Variants in TRIM44 observed in about 807,000 individuals in gnomAD.
The protein encoded by TRIM44 is tripartite motif containing 44, also known as tripartite motif-containing protein 44.
In TRIM44, 13 loss-of-function variants were observed where a neutral mutation model predicts 37.4. The ratio of observed to expected loss-of-function variants is 0.35; its 90% CI spans 0.23 to 0.55. The LOEUF is 0.55. Among genes scored for constraint, TRIM44 ranks in the 20% least tolerant of loss-of-function variants. The pLI, the probability that TRIM44 is intolerant of heterozygous loss-of-function variation, is 0.89. For synonymous variants in TRIM44, 175 were observed against 157.2 expected, an observed-to-expected ratio of 1.11 and a Z score of -0.85; for missense variants, 426 against 437.2, an observed-to-expected ratio of 0.97 and a Z score of 0.23.
intron 4 of TRIM44, among the ~76,000 whole-genome samples, chr11:35,778,268 T>C (rs1318477067): frequency 6.6e-6 from 1 of 152,218 alleles, no homozygotes; most frequent in Non-Finnish European, 1.5e-5. Context: ...ACCTGGTGCA[T>C]TTGTCACGTA....
rs748508117 is a variant in TRIM44, at chr11:35,702,325, G to A, written c.747+16989G>A. Among the ~76,000 whole-genome samples the A allele has an allele frequency of 8.5e-5, 13 of 152,176 alleles. 1 individual carries two copies. Among genetic ancestry groups the A allele is most frequent in the Admixed American group, 2.0e-4 (3 of 15,286 alleles). ...AGGGCAGCGAGGGTGTGGGCGGCCCGTGCGCATCCACCGTTCTTTGACCCT... is the reference window on the plus strand; with the variant it reads ...AGGGCAGCGAGGGTGTGGGCGGCCCATGCGCATCCACCGTTCTTTGACCCT... On this transcript the variant is annotated intron_variant, in intron 2 of 4. Transcript: ENST00000299413.
At chr11:35,802,241 G>T (rs909891366) in intron 4 of TRIM44, among the ~76,000 whole-genome samples, 13 of 152,116 alleles carry the variant, frequency 8.5e-5, no homozygotes, top group African/African-American at 2.9e-4. Flanking sequence ...GTGTTAGATC[G>T]ATGGATAGAT....
At chr11:35,718,118 TAAATC>T (rs1852059778) in intron 2 of TRIM44, among the ~76,000 whole-genome samples, 1 of 152,192 alleles carries the variant, frequency 6.6e-6, no homozygotes, top group Non-Finnish European at 1.5e-5. Context: ...TTCATGGGCT[TAAATC>T]GAAATGGGCT....
intron 2 of TRIM44, among the ~76,000 whole-genome samples, chr11:35,714,962 G>C (rs891249404): frequency 1.3e-4 from 20 of 152,132 alleles, no homozygotes; most frequent in Non-Finnish European, 1.5e-5. Context: ...TATAGCAGGG[G>C]CCACCCAGAA....
chr11:35,685,372 C>G (rs1464470978), intron 2 of TRIM44, 36 bp downstream of exon 2: 1 of 1,566,274 alleles, frequency 6.4e-7, no homozygotes, highest in African/African-American at 1.4e-5. Context: ...GTGTTGGTAC[C>G]CCAAGCATTT....
At chr11:35,782,168 G>C (rs1329478291) in intron 4 of TRIM44, among the ~76,000 whole-genome samples, 4 of 152,178 alleles carry the variant, frequency 2.6e-5, no homozygotes, top group African/African-American at 9.7e-5. Flanking sequence ...GGGGTTTATG[G>C]AGTACTTTGT....
intron 3 of TRIM44, among the ~76,000 whole-genome samples, chr11:35,726,830 C>G (rs896046720): frequency 1.3e-5 from 2 of 151,488 alleles, no homozygotes; most frequent in South Asian, 4.2e-4. Context: ...CATTTTGAAT[C>G]TACTTTGAAA....
intron 3 of TRIM44, among the ~76,000 whole-genome samples, chr11:35,732,597 T>C (rs1852276113): frequency 6.6e-6 from 1 of 152,208 alleles, no homozygotes; most frequent in South Asian, 2.1e-4. Flanking sequence ...TGTTTGATGT[T>C]GTCATTGTCA....
At chr11:35,782,808 G>A (rs189099067) in intron 4 of TRIM44, among the ~76,000 whole-genome samples, 10 of 152,282 alleles carry the variant, frequency 6.6e-5, no homozygotes, top group East Asian at 3.9e-4. Flanking sequence ...ACTCTTCTCC[G>A]GAGTAGAAGT....
At chr11:35,685,119 A>G (rs1306267005) in intron 1 of TRIM44, 140 bp from the exon 2 acceptor site, 19 of 644,176 alleles carry the variant, frequency 2.9e-5, no homozygotes, top group Non-Finnish European at 4.4e-5. Context: ...AAGAGGGGCA[A>G]TGCACCTCTC....
chr11:35,696,879 A>G, intron 2 of TRIM44, among the ~76,000 whole-genome samples: 1 of 152,036 alleles, frequency 6.6e-6, no homozygotes, highest in East Asian at 1.9e-4. Context: ...TAATTAATTA[A>G]TTAAATAAAA....
intron 4 of TRIM44, among the ~76,000 whole-genome samples, chr11:35,796,023 A>G (rs1417372760): frequency 6.6e-6 from 1 of 152,178 alleles, no homozygotes; most frequent in Non-Finnish European, 1.5e-5. Flanking sequence ...CCGACCTCAA[A>G]ATCACACAGC....
rs35954725 is a variant in TRIM44, at chr11:35,669,456, C to CTTTATTTA, written c.669+5705_669+5712dup. Among the ~76,000 whole-genome samples the CTTTATTTA allele has an allele frequency of 9.6e-3, 1,430 of 148,386 alleles. 12 individuals are homozygous for CTTTATTTA. The highest frequency in any genetic ancestry group is 0.025 in the East Asian group (127 of 5,050). ...CCCAAGTCTATATGGAAAGGATCCC[C>CTTTATTTA]TTTATTTATTTATTTATTTATTTAT... On this transcript the variant is annotated intron_variant, in intron 1 of 4. Transcript: ENST00000299413.
At chr11:35,764,215 C>A (rs1408740151) in intron 4 of TRIM44, among the ~76,000 whole-genome samples, 3 of 152,152 alleles carry the variant, frequency 2.0e-5, no homozygotes, top group African/African-American at 4.8e-5. Context: ...GTTAACAACT[C>A]CTGCTCCAAA....
In TRIM44 at chr11:35,663,448, A is replaced by G. The variant is rs1196630044; in HGVS notation, c.337A>G (p.Thr113Ala). 1.9e-6 allele frequency: 3 copies of G among 1,564,842 alleles called. No homozygotes were observed. The highest frequency in any genetic ancestry group is 3.9e-5 in the Admixed American group (2 of 51,874). The stretch of plus-strand genomic sequence containing the variant: ...GAGCGAGTCAGAGGAAGAGAGCGAG[A>G]CAGAGGAAGAGAGTGAGGATGAGAG... ...EESESEEESE[T>A]EEESEDESDE... Residue 113 changes from threonine to alanine, a missense_variant, in exon 1 of 5, where the codon ACA becomes GCA. Coordinates refer to ENST00000299413, the MANE Select transcript of TRIM44 (RefSeq NM_017583.6).
intron 2 of TRIM44, among the ~76,000 whole-genome samples, chr11:35,692,359 A>G (rs866569569): frequency 6.6e-6 from 1 of 152,164 alleles, no homozygotes; most frequent in African/African-American, 2.4e-5. Flanking sequence ...AAAACTGGGT[A>G]ATATTATGGT....
intron 2 of TRIM44, among the ~76,000 whole-genome samples, chr11:35,707,331 A>G (rs921564259): frequency 2.0e-5 from 3 of 152,202 alleles, no homozygotes; most frequent in Admixed American, 6.5e-5. Context: ...GAAAATGGCC[A>G]TACTGCCCAA....
intron 4 of TRIM44, among the ~76,000 whole-genome samples, chr11:35,754,746 C>G (rs1385325094): frequency 2.7e-5 from 4 of 150,480 alleles, no homozygotes; most frequent in Non-Finnish European, 4.4e-5. Flanking sequence ...TGAGTGAGAA[C>G]ATGCGGTGTT....
chr11:35,783,995 G>A (rs1340910669), intron 4 of TRIM44, among the ~76,000 whole-genome samples: 1 of 152,222 alleles, frequency 6.6e-6, no homozygotes, highest in African/African-American at 2.4e-5. Context: ...GCCTCACACT[G>A]ACGTGGCCTT....
Sources: gnomAD v4.1 joint callset for allele counts (sites outside exome capture counted in the v4.1 genomes callset) on GRCh38, gnomAD v4.1.1 for gene constraint, MANE v1.5 for transcripts, NCBI Gene and HGNC (gene_info 2026-07-23, HGNC 2026-07-21) for gene names.